DOK7: variants seen among roughly 807,000 people sequenced by gnomAD.
DOK7 encodes docking protein 7, also known as protein Dok-7.
A neutral mutation model predicts 30.7 loss-of-function variants in DOK7; 32 were observed. That is an observed-to-expected ratio of 1.04 (90% CI 0.79 to 1.40). The LOEUF is 1.40. Among genes scored for constraint, DOK7 ranks in the 40% most tolerant of loss-of-function variants. The pLI is 0.00. For synonymous variants in DOK7, 447 were observed against 324.1 expected, an observed-to-expected ratio of 1.38 and a Z score of -4.07; for missense variants, 1,007 against 699.2, an observed-to-expected ratio of 1.44 and a Z score of -4.97.
intron 2 of DOK7, among the ~76,000 whole-genome samples, chr4:3,469,569 C>T (rs887077238): frequency 3.3e-5 from 5 of 152,026 alleles, no homozygotes; most frequent in Admixed American, 2.6e-4. Context: ...GTGGCTGGGG[C>T]CCTCTGGGCC....
rs2109424276 is a variant in DOK7 at position 3,493,648 on chromosome 4, GC to G, written c.*150del. On this transcript the variant is annotated 3_prime_UTR_variant, in exon 7 of 7. Coordinates refer to ENST00000340083, the MANE Select transcript of DOK7 (RefSeq NM_173660.5). ...CCCGGAGAGGGGAGCTGGAGGGCGC[GC>G]CCTGTGGCTGCCACCGGAGGAAGGG... The G allele has an allele frequency of 6.8e-7, 1 of 1,461,918 alleles. No individual in the cohort carries two copies. The highest frequency in any genetic ancestry group is 2.5e-5 in the East Asian group (1 of 39,960). 90.6% of individuals were successfully genotyped at this position (1,461,918 alleles called of 1,614,324 possible). A position where few individuals can be genotyped will look rare whatever the true frequency, so the allele number is the denominator to read the frequency against.
chr4:3,479,631 GAGGGT>G, intron 4 of DOK7, among the ~76,000 whole-genome samples: 1 of 152,242 alleles, frequency 6.6e-6, no homozygotes, highest in African/African-American at 2.4e-5. Flanking sequence ...AGAGAGCAGA[GAGGGT>G]GACCCTGGCC....
At chr4:3,488,482 C>G (rs186124214) in intron 5 of DOK7, among the ~76,000 whole-genome samples, 1 of 152,212 alleles carries the variant, frequency 6.6e-6, no homozygotes, top group Non-Finnish European at 1.5e-5. Flanking sequence ...TTTGTTTCTC[C>G]GGAGCGCTGA....
Position 3,473,630 on chromosome 4 carries a change from G to A in DOK7, c.325G>A (p.Gly109Ser), listed in dbSNP as rs762952740. 5 of 1,567,264 alleles carry A rather than the reference G, an allele frequency of 3.2e-6. No individual in the cohort carries two copies. The highest frequency in any genetic ancestry group is 2.3e-5 in the South Asian group (2 of 87,802). The change falls in exon 3 of 7, where the codon GGC becomes AGC. Residue 109 changes from glycine (G) to serine (S), a missense_variant. Gly to Ser is a moderately conservative substitution (Grantham distance 56). Transcript: ENST00000340083. ...GGATGCCCGGATCCGCTATGCGCTC[G>A]GCGAGGGTGAGTGACGGGGGCCGGG... Reference protein sequence around the residue: ...AWDARIRYALGEVHRFHVTVA... With the variant: ...AWDARIRYALSEVHRFHVTVA...
In DOK7 at chr4:3,494,276, G is replaced by T; in HGVS notation, c.*775G>T. 1.0e-6 allele frequency: 1 copy of T among 985,608 alleles called. No homozygotes were observed. Among genetic ancestry groups the T allele is most frequent in the Non-Finnish European group, 1.2e-6 (1 of 830,056 alleles). 61.1% of individuals were successfully genotyped at this position (985,608 alleles called of 1,614,324 possible). Reference sequence around the variant, plus strand: ...GCTGGCTTGGCCTGTGTTTCCCCTGGCCCAGGCCTCAGCCCCTGCGTCGGA... The same window carrying T: ...GCTGGCTTGGCCTGTGTTTCCCCTGTCCCAGGCCTCAGCCCCTGCGTCGGA... On this transcript the variant is annotated 3_prime_UTR_variant, in exon 7 of 7. Transcript: ENST00000340083.
Position 3,493,017 on chromosome 4 carries a change from G to T in DOK7, c.1031G>T (p.Ser344Ile). The change falls in exon 7 of 7, where the codon AGC (serine) becomes ATC (isoleucine). Residue 344 changes from serine to isoleucine, a missense_variant. Physicochemically the swap from Ser to Ile is moderately radical, Grantham distance 142. Coordinates refer to ENST00000340083, the MANE Select transcript of DOK7 (RefSeq NM_173660.5). Reference protein sequence around the residue: ...SSSDSGIATGSHSSYSSSLSS... With the variant: ...SSSDSGIATGIHSSYSSSLSS... ...TCGGACAGCGGCATCGCCACTGGCA[G>T]CCACTCCTCTTACTCCAGCAGCCTC... 6.4e-7 allele frequency: 1 copy of T among 1,567,764 alleles called. No homozygotes were observed. The highest frequency in any genetic ancestry group is 2.3e-5 in the East Asian group (1 of 43,010).
exon 7 of DOK7, chr4:3,500,360 C>A: frequency 1.3e-6 from 2 of 1,535,950 alleles, no homozygotes; most frequent in Non-Finnish European, 1.7e-6. Context: ...AGCAGCTGCA[C>A]TACATGGGCC....
chr4:3,494,873 C>T (rs1240840550), downstream of DOK7, among the ~76,000 whole-genome samples: 1 of 152,186 alleles, frequency 6.6e-6, no homozygotes, highest in African/African-American at 2.4e-5. Flanking sequence ...GGCCGAGTTC[C>T]AGGCTTGTCT....
downstream of DOK7, among the ~76,000 whole-genome samples, chr4:3,495,695 T>C (rs574665059): frequency 6.6e-6 from 1 of 152,218 alleles, no homozygotes; most frequent in Admixed American, 6.5e-5. Flanking sequence ...TGGTTCTGTT[T>C]TCTTGACGGC....
In DOK7 at chr4:3,492,961, G is replaced by A. The variant is rs370661591; in HGVS notation, c.975G>A (p.Arg325=). 71 of 1,552,514 alleles carry A rather than the reference G, an allele frequency of 4.6e-5. No individual in the cohort carries two copies. In the African/African-American group the frequency reaches 9.0e-4, roughly 20 times the overall value. ...CACCCCCCAAGCCGCTGCGTCCGCGGCAGCTGCAGGAGGTTGGCCGCCAGA... is the reference window on the plus strand; with the variant it reads ...CACCCCCCAAGCCGCTGCGTCCGCGACAGCTGCAGGAGGTTGGCCGCCAGA... The part of the protein sequence containing the change: ...SRPPPKPLRP[R]QLQEVGRQSS... The change falls in exon 7 of 7, where the codon CGG becomes CGA. Residue 325 remains arginine, a synonymous_variant. Coordinates refer to ENST00000340083, the MANE Select transcript of DOK7 (RefSeq NM_173660.5).
In DOK7 at chr4:3,494,453, A is replaced by G; in HGVS notation, c.*952A>G. 2 of 985,424 alleles carry G rather than the reference A, an allele frequency of 2.0e-6. No homozygotes were observed. The highest frequency in any genetic ancestry group is 2.4e-6 in the Non-Finnish European group (2 of 829,894). 61.0% of individuals were successfully genotyped at this position (985,424 alleles called of 1,614,324 possible). A position where few individuals can be genotyped will look rare whatever the true frequency, so the allele number is the denominator to read the frequency against. ...TTTCTAAACCCAGACACTGTTTGTA[A>G]TAGACTGGAAATAAAATGTTCTTTC... On this transcript the variant is annotated 3_prime_UTR_variant, in exon 7 of 7. Coordinates refer to ENST00000340083, the MANE Select transcript of DOK7 (RefSeq NM_173660.5).
chr4:3,465,605 T>C (rs1230941075), intron 2 of DOK7, among the ~76,000 whole-genome samples: 3 of 152,238 alleles, frequency 2.0e-5, no homozygotes, highest in Non-Finnish European at 4.4e-5. Context: ...TTTTTCTCAA[T>C]CGTGAGCACG....
chr4:3,482,467 A>C lies in DOK7; in HGVS notation c.533-3072A>C, dbSNP rs187907391. 2.4e-4 allele frequency among the ~76,000 whole-genome samples: 36 copies of C among 152,362 alleles called. No homozygotes were observed. The East Asian group carries it at 6.0e-3, about 25-fold the overall frequency. ...TTCTCAATAGGTTCCAAGAGAGCAG[A>C]AGCTGCCAGGCCTCTGACGGTCTTG... is the stretch of plus-strand genomic sequence containing the variant. On this transcript the variant is annotated intron_variant, in intron 4 of 6. Transcript: ENST00000340083.
At chr4:3,486,010 G>A (rs1727762157) in intron 5 of DOK7, among the ~76,000 whole-genome samples, 1 of 151,976 alleles carries the variant, frequency 6.6e-6, no homozygotes, top group Non-Finnish European at 1.5e-5. Flanking sequence ...ACGCCCAGGA[G>A]CAGGGAAGGC....
chr4:3,476,637 C>A, intron 4 of DOK7, 95 bp downstream of exon 4: 1 of 1,499,082 alleles, frequency 6.7e-7, no homozygotes, highest in Non-Finnish European at 9.2e-7. Flanking sequence ...CACTTGCAGG[C>A]TGGCCTGCTG....
At chr4:3,483,987 T>C (rs927096604) in intron 4 of DOK7, among the ~76,000 whole-genome samples, 1 of 152,116 alleles carries the variant, frequency 6.6e-6, no homozygotes, top group Admixed American at 6.5e-5. Context: ...TGGCCTCCCC[T>C]CCATGCCCAC....
Position 3,473,454 on chromosome 4 carries a change from G to C in DOK7, c.149G>C (p.Gly50Ala). 1.2e-6 allele frequency: 2 copies of C among 1,611,068 alleles called. No individual in the cohort carries two copies. Among genetic ancestry groups the C allele is most frequent in the Non-Finnish European group, 1.7e-6 (2 of 1,179,768 alleles). Residue 50 changes from glycine to alanine, a missense_variant, in exon 3 of 7, where the codon GGC becomes GCC. Coordinates refer to ENST00000340083, the MANE Select transcript of DOK7 (RefSeq NM_173660.5). ...VYKDKSERIKGLRERSSLTLE... is the reference protein window; with the variant it reads ...VYKDKSERIKALRERSSLTLE... ...AAGGACAAGTCGGAGCGTATCAAGG[G>C]CCTGCGGGAGCGCAGCAGCCTGACG... is the stretch of plus-strand genomic sequence containing the variant.
chr4:3,500,411 C>T, intron 7 of DOK7: 1 of 1,535,634 alleles, frequency 6.5e-7, no homozygotes, highest in Non-Finnish European at 8.7e-7. Flanking sequence ...GAGGTGGGTC[C>T]CCGCCCTGCG....
chr4:3,480,013 C>T (rs571833314), intron 4 of DOK7, among the ~76,000 whole-genome samples: 8 of 152,322 alleles, frequency 5.3e-5, no homozygotes, highest in South Asian at 4.1e-4. Context: ...ATGGACTGTG[C>T]GTGGTGGAGA....
Sources: gnomAD v4.1 joint callset for allele counts (sites outside exome capture counted in the v4.1 genomes callset) on GRCh38, gnomAD v4.1.1 for gene constraint, MANE v1.5 for transcripts, NCBI Gene and HGNC (gene_info 2026-07-23, HGNC 2026-07-21) for gene names.